PRUNE2: variants seen among roughly 807,000 people sequenced by gnomAD.
PRUNE2 encodes the protein prune homolog 2 with BCH domain, also known as protein prune homolog 2.
Under a neutral mutation model 252.0 loss-of-function variants are expected in PRUNE2, and 164 were observed. The observed-to-expected ratio is 0.65, with a 90% CI of 0.57 to 0.74. The LOEUF (loss-of-function observed/expected upper bound fraction) is 0.74, where lower values mean the gene tolerates loss of function less well. Ranked by LOEUF, PRUNE2 falls within the 30% of genes least tolerant of loss-of-function variation. PRUNE2 has a pLI of 0.00. For synonymous variants in PRUNE2, 1,292 were observed against 1,350.2 expected (o/e 0.96, Z 0.94); for missense variants, 3,495 against 3,711.0 (o/e 0.94, Z 1.51).
chr9:76,801,557 T>C (rs972655188), intron 6 of PRUNE2, among the ~76,000 whole-genome samples: 22 of 152,166 alleles, frequency 1.4e-4, no homozygotes, highest in Admixed American at 2.6e-4. Context: ...TGGAATCTAA[T>C]CTAAAAACGA....
intron 1 of PRUNE2, among the ~76,000 whole-genome samples, chr9:76,896,452 ATGTGCCAGGGAAG>A (rs1398638413): frequency 6.6e-6 from 1 of 152,194 alleles, no homozygotes; most frequent in African/African-American, 2.4e-5. Context: ...GGGTTGGCTG[ATGTGCCAGGGAAG>A]TGACCGTGGA....
Position 76,705,010 on chromosome 9 carries a change from G to A in PRUNE2, c.7264C>T (p.Leu2422=). Residue 2422 remains leucine, a synonymous_variant, in exon 8 of 19, where the codon CTG becomes TTG. Coordinates refer to ENST00000376718, the MANE Select transcript of PRUNE2 (RefSeq NM_015225.3). ...EEAGSPEDES[L]GCRAAEIVLS... is the part of the protein sequence containing the mutation. ...ACTATCTCTGCTGCTCTGCATCCCA[G>A]AGATTCATCCTCTGGAGACCCAGCT... The A allele has an allele frequency of 6.2e-7, 1 of 1,613,938 alleles. No individual in the cohort carries two copies. The highest frequency in any genetic ancestry group is 8.5e-7 in the Non-Finnish European group (1 of 1,179,858).
chr9:76,742,956 CAT>C lies in PRUNE2; in HGVS notation c.757-29237_757-29236del, dbSNP rs751485445. ...TGAATTGTAGTTCCCATAATCCCCA[CAT>C]GTCGTGGGAGGGACCCAGTGGCAGT... On this transcript the variant is annotated intron_variant, in intron 6 of 18. Transcript: ENST00000376718. Among the ~76,000 whole-genome samples, 8 of 152,316 alleles carry C rather than the reference CAT, an allele frequency of 5.3e-5. No homozygotes were observed. The South Asian group carries it at 1.0e-3, about 20-fold the overall frequency.
At chr9:76,721,833 A>G (rs570099697) in intron 6 of PRUNE2, among the ~76,000 whole-genome samples, 4 of 152,334 alleles carry the variant, frequency 2.6e-5, no homozygotes, top group Non-Finnish European at 4.4e-5. Flanking sequence ...TATGTACACA[A>G]ATGTTCTAAC....
chr9:76,670,215 A>C (rs2041066848), intron 9 of PRUNE2, among the ~76,000 whole-genome samples: 1 of 152,202 alleles, frequency 6.6e-6, no homozygotes, highest in Non-Finnish European at 1.5e-5. Context: ...GAGCCGAAGC[A>C]GGGCGAGGCA....
At chr9:76,832,572 C>T (rs1164274952) in intron 4 of PRUNE2, among the ~76,000 whole-genome samples, 1 of 151,834 alleles carries the variant, frequency 6.6e-6, no homozygotes, top group Non-Finnish European at 1.5e-5. Context: ...TTGTGAGATT[C>T]AACTCAAGTT....
At chr9:76,894,755 C>T (rs1589815547) in intron 1 of PRUNE2, among the ~76,000 whole-genome samples, 1 of 148,516 alleles carries the variant, frequency 6.7e-6, no homozygotes, top group African/African-American at 2.6e-5. Context: ...TACGGTGGCT[C>T]ACACCTGTAA....
intron 1 of PRUNE2, among the ~76,000 whole-genome samples, chr9:76,886,159 C>A (rs2062084175): frequency 6.6e-6 from 1 of 151,114 alleles, no homozygotes; most frequent in South Asian, 2.1e-4. Flanking sequence ...GCACTCCAGC[C>A]TGGCGACAGA....
chr9:76,755,640 G>A (rs138694463), intron 6 of PRUNE2, among the ~76,000 whole-genome samples: 2 of 152,212 alleles, frequency 1.3e-5, no homozygotes, highest in African/African-American at 4.8e-5. Flanking sequence ...CAGATACCTC[G>A]GGGAGAATCT....
At chr9:76,780,196 C>T (rs1032138802) in intron 6 of PRUNE2, among the ~76,000 whole-genome samples, 2 of 152,194 alleles carry the variant, frequency 1.3e-5, no homozygotes, top group Admixed American at 6.5e-5. Flanking sequence ...GCGATAGCTA[C>T]ATGACCCAAT....
At chr9:76,776,887 A>AACACAC (rs1224020427) in intron 6 of PRUNE2, among the ~76,000 whole-genome samples, 4 of 96,502 alleles carry the variant, frequency 4.1e-5, no homozygotes, top group Admixed American at 3.7e-4. Context: ...TCATTACCAA[A>AACACAC]ACACATACAC....
chr9:76,675,122 C>G (rs1179178407), intron 9 of PRUNE2, among the ~76,000 whole-genome samples: 1 of 100,438 alleles, frequency 1.0e-5, no homozygotes, highest in Non-Finnish European at 2.3e-5. Context: ...TCAGAGTGAA[C>G]AGGCAACCTA....
chr9:76,898,448 A>G (rs952498136), intron 1 of PRUNE2, among the ~76,000 whole-genome samples: 3 of 152,182 alleles, frequency 2.0e-5, no homozygotes, highest in African/African-American at 7.2e-5. Context: ...CCCACACTAT[A>G]TTCTCCATTA....
At chr9:76,758,011 A>T (rs1042714112) in intron 6 of PRUNE2, among the ~76,000 whole-genome samples, 4 of 152,230 alleles carry the variant, frequency 2.6e-5, no homozygotes, top group Non-Finnish European at 2.9e-5. Context: ...TAGTTCTGTG[A>T]ATTAAAAAAT....
rs1044773442 is a variant in PRUNE2, at chr9:76,671,091, A to G, written c.8277-15589T>C. Among the ~76,000 whole-genome samples the G allele has an allele frequency of 1.6e-4, 24 of 152,260 alleles. No homozygotes were observed. The East Asian group carries it at 2.1e-3, about 13-fold the overall frequency. On this transcript the variant is annotated intron_variant, in intron 9 of 18. Coordinates refer to ENST00000376718, the MANE Select transcript of PRUNE2 (RefSeq NM_015225.3). ...GAGCTGAGAGAAGAAGGCTTCAGAC[A>G]ATCAAATTACTCTGAGCTACAGGAG...
At position 76,703,449 on chromosome 9, in the gene PRUNE2, C is replaced by T; in HGVS notation, c.8164G>A (p.Glu2722Lys). ...GGCTGTGGTGAAAGCATTTCCCATTCATTGTCATGGGTGACAGCCTGCAAC... is the reference window on the plus strand; with the variant it reads ...GGCTGTGGTGAAAGCATTTCCCATTTATTGTCATGGGTGACAGCCTGCAAC... ...VTLQAVTHDN[E>K]WEMLSPQPVQ... Residue 2722 changes from glutamate (E) to lysine (K), a missense_variant, in exon 9 of 19, where the codon GAA becomes AAA. By Grantham distance (56) the Glu-to-Lys change is moderately conservative. Coordinates refer to ENST00000376718, the MANE Select transcript of PRUNE2 (RefSeq NM_015225.3). The T allele has an allele frequency of 6.2e-7, 1 of 1,613,240 alleles. No homozygotes were observed. The highest frequency in any genetic ancestry group is 1.1e-5 in the South Asian group (1 of 91,044).
chr9:76,824,261 A>C (rs1183138332), intron 5 of PRUNE2, among the ~76,000 whole-genome samples: 1 of 152,210 alleles, frequency 6.6e-6, no homozygotes, highest in African/African-American at 2.4e-5. Context: ...CTGGAGCCCC[A>C]GAGCAGACAA....
intron 9 of PRUNE2, among the ~76,000 whole-genome samples, chr9:76,697,139 T>G (rs907456780): frequency 6.6e-6 from 1 of 152,162 alleles, no homozygotes; most frequent in Non-Finnish European, 1.5e-5. Flanking sequence ...GAGATTTTTT[T>G]CCCCCTAAAG....
At position 76,827,974 on chromosome 9, in the gene PRUNE2, G is replaced by A. The variant is rs942591063; in HGVS notation, c.509-1242C>T. Among the ~76,000 whole-genome samples the A allele has an allele frequency of 4.6e-5, 7 of 151,992 alleles. No individual in the cohort carries two copies. In the East Asian group the frequency reaches 9.6e-4, roughly 21 times the overall value. ...AAACAATTACTGAGTGCCTTTTATC[G>A]GCCAGGCAGGGCTCTATGCTAACGA... On this transcript the variant is annotated intron_variant, in intron 4 of 18. Transcript: ENST00000376718.
Sources: gnomAD v4.1 joint callset for allele counts (sites outside exome capture counted in the v4.1 genomes callset) on GRCh38, gnomAD v4.1.1 for gene constraint, MANE v1.5 for transcripts, NCBI Gene and HGNC (gene_info 2026-07-23, HGNC 2026-07-21) for gene names.